SLC16A10: variants seen among roughly 807,000 people sequenced by gnomAD.
The protein encoded by SLC16A10 is solute carrier family 16 member 10, also known as monocarboxylate transporter 10.
SLC16A10 carries 27 observed loss-of-function variants against 40.0 expected under a neutral mutation model. That is an observed-to-expected ratio of 0.67 (90% CI 0.50 to 0.93). SLC16A10 has a LOEUF of 0.93. SLC16A10 is among the 40% of genes least tolerant of loss of function. The pLI, the probability that SLC16A10 is intolerant of heterozygous loss-of-function variation, is 0.00. For synonymous variants in SLC16A10, 213 were observed against 249.8 expected (o/e 0.85, Z 1.39); for missense variants, 529 against 658.2 (o/e 0.80, Z 2.15).
At chr6:111,178,580 G>A (rs1380955774) in intron 3 of SLC16A10, 2 of 338,556 alleles carry the variant, frequency 5.9e-6, no homozygotes, top group South Asian at 4.7e-5. Flanking sequence ...GAAGGAAGAA[G>A]CAGTGTCTAA....
Position 111,088,096 on chromosome 6 carries a change from G to A in SLC16A10, c.343+1G>A, listed in dbSNP as rs1770903176. The A allele has an allele frequency of 6.3e-7, 1 of 1,595,162 alleles. No individual in the cohort carries two copies. The highest frequency in any genetic ancestry group is 8.5e-7 in the Non-Finnish European group (1 of 1,172,436). On this transcript the variant is annotated splice_donor_variant, in intron 1 of 5. Transcript: ENST00000368851. LOFTEE classifies it high-confidence loss of function. ...GATGACAAGATGGTCTTTAAGACAG[G>A]TGAGGCGCGGCGCCCGCCGAGGCCA...
At chr6:111,198,392 A>G (rs1343877877) in intron 3 of SLC16A10, among the ~76,000 whole-genome samples, 2 of 152,254 alleles carry the variant, frequency 1.3e-5, no homozygotes, top group African/African-American at 2.4e-5. Flanking sequence ...ATTCATGTAC[A>G]GTCGTGCATC....
intron 1 of SLC16A10, among the ~76,000 whole-genome samples, chr6:111,102,590 C>G (rs1242808464): frequency 1.3e-5 from 2 of 152,164 alleles, no homozygotes; most frequent in South Asian, 2.1e-4. Context: ...GCCTTAGATT[C>G]TCACCTGACA....
chr6:111,212,154 C>T (rs548569930), intron 4 of SLC16A10, among the ~76,000 whole-genome samples: 12 of 152,236 alleles, frequency 7.9e-5, no homozygotes, highest in African/African-American at 2.9e-4. Context: ...AGAGCACAGG[C>T]TCTGGAGTGA....
chr6:111,092,541 C>G (rs534472273), intron 1 of SLC16A10, among the ~76,000 whole-genome samples: 2 of 149,446 alleles, frequency 1.3e-5, no homozygotes, highest in East Asian at 2.1e-4. Flanking sequence ...GTCTCAAACT[C>G]CTGACCTCGT....
At chr6:111,101,732 C>T (rs1771192387) in intron 1 of SLC16A10, among the ~76,000 whole-genome samples, 1 of 152,188 alleles carries the variant, frequency 6.6e-6, no homozygotes, top group Non-Finnish European at 1.5e-5. Flanking sequence ...GCCATCCTCC[C>T]ACTTCAGCCT....
chr6:111,183,279 G>A (rs1188227194), intron 3 of SLC16A10, among the ~76,000 whole-genome samples: 2 of 152,026 alleles, frequency 1.3e-5, no homozygotes, highest in African/African-American at 2.4e-5. Flanking sequence ...TTCACAAACC[G>A]CTCCTATTAC....
intron 1 of SLC16A10, among the ~76,000 whole-genome samples, chr6:111,120,253 A>T (rs1420066177): frequency 6.6e-6 from 1 of 152,188 alleles, no homozygotes; most frequent in Non-Finnish European, 1.5e-5. Flanking sequence ...TCTTGAAATC[A>T]GAGGCACTTA....
chr6:111,191,270 T>C (rs1772986719), intron 3 of SLC16A10, among the ~76,000 whole-genome samples: 2 of 152,194 alleles, frequency 1.3e-5, no homozygotes, highest in South Asian at 2.1e-4. Context: ...GCATGTGGTG[T>C]TTGGTTTTCT....
chr6:111,144,255 G>A (rs1159900119), intron 1 of SLC16A10, among the ~76,000 whole-genome samples: 1 of 152,124 alleles, frequency 6.6e-6, no homozygotes, highest in East Asian at 1.9e-4. Context: ...CCAGGCTGGA[G>A]TGCAGTGGCA....
chr6:111,107,420 A>C (rs1418873280), intron 1 of SLC16A10, among the ~76,000 whole-genome samples: 1 of 152,204 alleles, frequency 6.6e-6, no homozygotes, highest in Non-Finnish European at 1.5e-5. Flanking sequence ...TGCTTTACAA[A>C]AAGTTTATGG....
intron 2 of SLC16A10, 132 bp downstream of exon 2, chr6:111,172,971 A>G (rs970862615): frequency 3.0e-5 from 35 of 1,173,414 alleles, no homozygotes; most frequent in Non-Finnish European, 3.2e-5. Flanking sequence ...AATATGACTT[A>G]TAAAACAAAC....
chr6:111,113,655 C>T (rs953375004), intron 1 of SLC16A10, among the ~76,000 whole-genome samples: 1 of 151,960 alleles, frequency 6.6e-6, no homozygotes. Context: ...TGTGTTTAAG[C>T]GTGTAAGGCA....
chr6:111,198,581 T>C (rs1773117241), intron 3 of SLC16A10, among the ~76,000 whole-genome samples: 1 of 152,230 alleles, frequency 6.6e-6, no homozygotes, highest in Admixed American at 6.5e-5. Flanking sequence ...GTTACTGCAC[T>C]GAATGCTGTA....
intron 1 of SLC16A10, among the ~76,000 whole-genome samples, chr6:111,093,396 G>T (rs1249638383): frequency 6.6e-6 from 1 of 152,204 alleles, no homozygotes; most frequent in Non-Finnish European, 1.5e-5. Context: ...AGCATTTAGG[G>T]ATGAATGAAT....
At chr6:111,103,308 C>G (rs1771223900) in intron 1 of SLC16A10, among the ~76,000 whole-genome samples, 1 of 152,164 alleles carries the variant, frequency 6.6e-6, no homozygotes, top group Non-Finnish European at 1.5e-5. Flanking sequence ...ACTTCCACCT[C>G]CTGGGTTCAA....
chr6:111,177,648 G>A lies in SLC16A10; in HGVS notation c.925G>A (p.Val309Met). The A allele has an allele frequency of 6.4e-7, 1 of 1,554,492 alleles. No individual in the cohort carries two copies. The highest frequency in any genetic ancestry group is 8.7e-7 in the Non-Finnish European group (1 of 1,151,678). The change falls in exon 3 of 6, where the codon GTG becomes ATG. Residue 309 changes from valine (V) to methionine (M), a missense_variant. Coordinates refer to ENST00000368851, the MANE Select transcript of SLC16A10 (RefSeq NM_018593.5). ...GIPLALFGYF[V>M]PYVHLMKHVN... ...ACCACTTGCACTTTTTGGATACTTTGTGCCTTATGTTCACTTGGTGAGTAT... is the reference window on the plus strand; with the variant it reads ...ACCACTTGCACTTTTTGGATACTTTATGCCTTATGTTCACTTGGTGAGTAT...
intron 1 of SLC16A10, among the ~76,000 whole-genome samples, chr6:111,089,983 C>A (rs569459291): frequency 9.0e-6 from 1 of 111,406 alleles, no homozygotes; most frequent in African/African-American, 3.5e-5. Flanking sequence ...GAGACCATAG[C>A]TTTGCCAGGG....
intron 1 of SLC16A10, among the ~76,000 whole-genome samples, chr6:111,149,275 C>A (rs534816560): frequency 1.3e-5 from 2 of 152,166 alleles, no homozygotes; most frequent in African/African-American, 4.8e-5. Flanking sequence ...TTAAGGAACC[C>A]GCTTCTTTCT....
Sources: gnomAD v4.1 joint callset for allele counts (sites outside exome capture counted in the v4.1 genomes callset) on GRCh38, gnomAD v4.1.1 for gene constraint, MANE v1.5 for transcripts, NCBI Gene and HGNC (gene_info 2026-07-23, HGNC 2026-07-21) for gene names.